Variants in RANBP9 observed in about 807,000 individuals in gnomAD.
RANBP9 encodes ran-binding protein 9.
A neutral mutation model predicts 84.3 loss-of-function variants in RANBP9; 15 were observed. The observed-to-expected ratio is 0.18, with a 90% CI of 0.12 to 0.27. The LOEUF is 0.27. RANBP9 is among the 10% of genes least tolerant of loss of function. The probability of loss-of-function intolerance (pLI) is 1.00; values close to 1 mark genes in which losing one functional copy is unlikely to be tolerated. For missense variants in RANBP9, 809 were observed against 912.8 expected (o/e 0.89, Z 1.46); for synonymous variants, 392 against 349.6 (o/e 1.12, Z -1.35).
intron 2 of RANBP9, 80 bp from the exon 3 acceptor site, chr6:13,658,912 A>C: frequency 7.2e-7 from 1 of 1,380,910 alleles, no homozygotes; most frequent in Non-Finnish European, 1.0e-6. Context: ...AGTCTCAAAC[A>C]ATATCAGAAC....
intron 10 of RANBP9, among the ~76,000 whole-genome samples, chr6:13,637,286 CCAT>C (rs1764960995): frequency 6.6e-6 from 1 of 152,144 alleles, no homozygotes; most frequent in Non-Finnish European, 1.5e-5. Context: ...AATGACTTAA[CCAT>C]CTGCTATATG....
In RANBP9 at chr6:13,711,391, G is replaced by C. The variant is rs1202491548; in HGVS notation, c.115C>G (p.Pro39Ala). Reference protein sequence around the residue: ...PVSGVVLPAPPAVSAGSSPAG... With the variant: ...PVSGVVLPAPAAVSAGSSPAG... ...GGAGAAGAGCCGGCGCTGACGGCCG[G>C]GGGCGCCGGCAGGACGACTCCGGAG... The change falls in exon 1 of 14, where the codon CCG becomes GCG. Residue 39 changes from proline to alanine, a missense_variant. Around this residue, in one of 5 missense-constraint regions of RANBP9, gnomAD observed 302 missense variants for 240.1 expected, o/e 1.26. Coordinates refer to ENST00000011619, the MANE Select transcript of RANBP9 (RefSeq NM_005493.3). 2.5e-6 allele frequency: 3 copies of C among 1,178,582 alleles called. No individual in the cohort carries two copies. The highest frequency in any genetic ancestry group is 1.6e-5 in the African/African-American group (1 of 62,050). The allele number at this position is 1,178,582 out of a possible 1,614,324, so 73.0% of individuals were successfully genotyped here.
intron 11 of RANBP9, among the ~76,000 whole-genome samples, chr6:13,633,381 T>C (rs956851685): frequency 2.0e-5 from 3 of 152,250 alleles, no homozygotes; most frequent in Non-Finnish European, 2.9e-5. Flanking sequence ...TTTAACTGTA[T>C]AAATTACTTA....
chr6:13,706,030 G>A (rs1224209101), intron 1 of RANBP9, among the ~76,000 whole-genome samples: 1 of 152,014 alleles, frequency 6.6e-6, no homozygotes, highest in Non-Finnish European at 1.5e-5. Flanking sequence ...CTAATGACTG[G>A]GGGTACAGGT....
intron 5 of RANBP9, among the ~76,000 whole-genome samples, chr6:13,645,553 A>G (rs1765161026): frequency 6.6e-6 from 1 of 152,214 alleles, no homozygotes; most frequent in Non-Finnish European, 1.5e-5. Flanking sequence ...CCAGGGTTTA[A>G]TCATAATTCT....
intron 10 of RANBP9, among the ~76,000 whole-genome samples, chr6:13,635,971 T>C (rs1764927877): frequency 6.6e-6 from 1 of 151,968 alleles, no homozygotes; most frequent in African/African-American, 2.4e-5. Flanking sequence ...GCTAATTAAG[T>C]TATTATATTA....
chr6:13,711,033 A>G lies in RANBP9; in HGVS notation c.473T>C (p.Val158Ala). The change falls in exon 1 of 14, where the codon GTG (valine) becomes GCG (alanine). Residue 158 changes from valine (V) to alanine (A), a missense_variant. Coordinates refer to ENST00000011619, the MANE Select transcript of RANBP9 (RefSeq NM_005493.3). ...AGGCAGCGGCGTCTCTTGTTCGTCC[A>G]CGGCCGGGTAGAGACGCTTCAGCCG... Reference protein sequence around the residue: ...QRRLKRLYPAVDEQETPLPRS... With the variant: ...QRRLKRLYPAADEQETPLPRS... 6.3e-7 allele frequency: 1 copy of G among 1,598,462 alleles called. No homozygotes were observed. Among genetic ancestry groups the G allele is most frequent in the Non-Finnish European group, 8.5e-7 (1 of 1,173,304 alleles).
rs1310939648 is a variant in RANBP9 at position 13,622,330 on chromosome 6, A to G, written c.*32T>C. On this transcript the variant is annotated 3_prime_UTR_variant, in exon 14 of 14. Coordinates refer to ENST00000011619, the MANE Select transcript of RANBP9 (RefSeq NM_005493.3). Reference sequence around the variant, plus strand: ...TCTACTTCCATGTTGACTATATGCCACAATATAAGTGTGAGCTCTTGAAAT... The same window carrying G: ...TCTACTTCCATGTTGACTATATGCCGCAATATAAGTGTGAGCTCTTGAAAT... 1.4e-6 allele frequency: 2 copies of G among 1,473,078 alleles called. No individual in the cohort carries two copies. Among genetic ancestry groups the G allele is most frequent in the Non-Finnish European group, 1.8e-6 (2 of 1,106,032 alleles). The allele number at this position is 1,473,078 out of a possible 1,614,324, so 91.3% of individuals were successfully genotyped here.
chr6:13,639,072 T>A (rs1398766292), intron 9 of RANBP9, among the ~76,000 whole-genome samples: 1 of 152,238 alleles, frequency 6.6e-6, no homozygotes, highest in Non-Finnish European at 1.5e-5. Context: ...CTCAGACAGC[T>A]GTTCTTCAAG....
intron 12 of RANBP9, 48 bp downstream of exon 12, chr6:13,632,322 T>C: frequency 1.3e-6 from 2 of 1,570,952 alleles, no homozygotes; most frequent in Non-Finnish European, 1.7e-6. Context: ...AAACTACATT[T>C]TAGTTCCTCT....
At chr6:13,634,585 A>G (rs771275264) in intron 10 of RANBP9, 33 bp from the exon 11 acceptor site, 1 of 1,571,502 alleles carries the variant, frequency 6.4e-7, no homozygotes, top group South Asian at 1.1e-5. Context: ...AATTTTAGAA[A>G]TATCATACTT....
At chr6:13,644,426 T>C (rs1765134144) in intron 6 of RANBP9, 119 bp downstream of exon 6, 1 of 946,352 alleles carries the variant, frequency 1.1e-6, no homozygotes, top group East Asian at 2.9e-5. Flanking sequence ...ATCAATAATA[T>C]AATAGATATG....
intron 12 of RANBP9, among the ~76,000 whole-genome samples, chr6:13,629,942 G>A (rs953245741): frequency 1.3e-5 from 2 of 150,594 alleles, no homozygotes; most frequent in Non-Finnish European, 3.0e-5. Flanking sequence ...GTGTGTGTGT[G>A]TATTTGCATG....
chr6:13,676,304 G>C (rs573421120), intron 2 of RANBP9, among the ~76,000 whole-genome samples: 1 of 151,932 alleles, frequency 6.6e-6, no homozygotes, highest in South Asian at 2.1e-4. Flanking sequence ...AAAAATAATA[G>C]TAACAATTAA....
In RANBP9 at chr6:13,635,770, A is replaced by G. The variant is rs188293549; in HGVS notation, c.1674-1218T>C. On this transcript the variant is annotated intron_variant, in intron 10 of 13. Transcript: ENST00000011619. ...AAACTTTAAGAATAAGAAAATCCTT[A>G]CCATCACAGCTTTCAGTGGCTTTTT... is the stretch of plus-strand genomic sequence containing the variant. Among the ~76,000 whole-genome samples, 529 of 151,972 alleles carry G rather than the reference A, an allele frequency of 3.5e-3. 9 individuals are homozygous for G. The highest frequency in any genetic ancestry group is 1.3e-3 in the Non-Finnish European group (90 of 67,962).
At chr6:13,633,736 CCACT>C (rs1764855813) in intron 11 of RANBP9, among the ~76,000 whole-genome samples, 1 of 152,052 alleles carries the variant, frequency 6.6e-6, no homozygotes. Flanking sequence ...TTTAGTAATA[CCACT>C]CAATCTCAAA....
At chr6:13,687,528 T>C (rs963801326) in intron 2 of RANBP9, among the ~76,000 whole-genome samples, 17 of 152,116 alleles carry the variant, frequency 1.1e-4, no homozygotes, top group African/African-American at 4.1e-4. Context: ...TTCTGATGTA[T>C]TTAGTCACAT....
intron 2 of RANBP9, among the ~76,000 whole-genome samples, chr6:13,673,459 G>T (rs1765818565): frequency 6.6e-6 from 1 of 152,180 alleles, no homozygotes; most frequent in African/African-American, 2.4e-5. Flanking sequence ...TGAAGAAAGG[G>T]AGAGTCCAAG....
At position 13,632,616 on chromosome 6, in the gene RANBP9, T is replaced by C. The variant is rs1377253646; in HGVS notation, c.1796-95A>G. 6 of 1,169,294 alleles carry C rather than the reference T, an allele frequency of 5.1e-6. No individual in the cohort carries two copies. In the Admixed American group the frequency reaches 1.4e-4, roughly 27 times the overall value. The allele number at this position is 1,169,294 out of a possible 1,614,324, so 72.4% of individuals were successfully genotyped here. ...TTCTTATACCATTTTGTACATTTAG[T>C]AACTATTCCCTAATATTTCATCTAA... On this transcript the variant is annotated intron_variant, in intron 11 of 13. Coordinates refer to ENST00000011619, the MANE Select transcript of RANBP9 (RefSeq NM_005493.3).
Sources: gnomAD v4.1 joint callset for allele counts (sites outside exome capture counted in the v4.1 genomes callset) on GRCh38, gnomAD v4.1.1 for gene constraint, gnomAD v4.1.1 regional missense constraint, MANE v1.5 for transcripts, NCBI Gene and HGNC (gene_info 2026-07-23, HGNC 2026-07-21) for gene names.